Variants in NME9 observed in about 807,000 individuals in gnomAD.
NME9 encodes thioredoxin domain-containing protein 6.
NME9 carries 48 observed loss-of-function variants against 44.4 expected under a neutral mutation model. The ratio of observed to expected loss-of-function variants is 1.08; its 90% CI spans 0.86 to 1.37. The LOEUF (loss-of-function observed/expected upper bound fraction) is 1.37. NME9 is among the 40% of genes most tolerant of loss of function. The probability of loss-of-function intolerance (pLI) is 0.00; values close to 1 mark genes in which losing one functional copy is unlikely to be tolerated. For missense variants in NME9, 325 were observed against 405.2 expected (o/e 0.80, Z 1.70); for synonymous variants, 139 against 147.1 (o/e 0.94, Z 0.40).
intron 8 of NME9, among the ~76,000 whole-genome samples, chr3:138,280,497 CTTTTTTTT>C (rs1039909334): frequency 3.7e-5 from 4 of 107,104 alleles, no homozygotes; most frequent in African/African-American, 1.4e-4. Context: ...TCTTTTTTTT[CTTTTTTTT>C]TTTTTTGAGA....
intron 8 of NME9, among the ~76,000 whole-genome samples, chr3:138,278,934 G>A (rs1351319729): frequency 2.0e-5 from 3 of 152,042 alleles, no homozygotes; most frequent in East Asian, 1.9e-4. Flanking sequence ...GTTATTTTGC[G>A]TGAATTACTT....
downstream of NME9, chr3:138,296,326 A>C (rs2051480791): frequency 6.5e-6 from 1 of 153,632 alleles, no homozygotes; most frequent in African/African-American, 2.4e-5. Flanking sequence ...ATTTTGTGTG[A>C]AAATCTCTTT....
chr3:138,310,514 A>G (rs1258608493), intron 6 of NME9, among the ~76,000 whole-genome samples: 1 of 152,040 alleles, frequency 6.6e-6, no homozygotes, highest in Non-Finnish European at 1.5e-5. Context: ...GCAAATTATA[A>G]GCCACAAAAC....
chr3:138,268,168 G>C (rs551808723), intron 8 of NME9, among the ~76,000 whole-genome samples: 1 of 152,218 alleles, frequency 6.6e-6, no homozygotes, highest in South Asian at 2.1e-4. Flanking sequence ...ACTTGAACCC[G>C]GGAGGCAAAG....
At chr3:138,275,006 C>T (rs1176349340) in intron 8 of NME9, among the ~76,000 whole-genome samples, 1 of 152,184 alleles carries the variant, frequency 6.6e-6, no homozygotes, top group Non-Finnish European at 1.5e-5. Context: ...CATCCCATAA[C>T]CCTACTTCCA....
chr3:138,320,187 G>A (rs530918015), intron 2 of NME9, among the ~76,000 whole-genome samples: 1 of 152,296 alleles, frequency 6.6e-6, no homozygotes, highest in East Asian at 1.9e-4. Flanking sequence ...AGGGCTGGAT[G>A]TAAGGGAACC....
chr3:138,292,458 G>A (rs2051054285), intron 8 of NME9, among the ~76,000 whole-genome samples: 1 of 152,202 alleles, frequency 6.6e-6, no homozygotes, highest in South Asian at 2.1e-4. Flanking sequence ...TAAGGGAGTG[G>A]GGGGATTAGT....
At chr3:138,307,673 T>G (rs1185850924) in intron 6 of NME9, among the ~76,000 whole-genome samples, 1 of 151,850 alleles carries the variant, frequency 6.6e-6, no homozygotes, top group African/African-American at 2.4e-5. Context: ...CACCTAGAGG[T>G]AGAGGAAGAA....
chr3:138,295,633 A>G (rs906195575), intron 8 of NME9, among the ~76,000 whole-genome samples: 5 of 152,248 alleles, frequency 3.3e-5, no homozygotes, highest in African/African-American at 1.2e-4. Flanking sequence ...GTGCAGGAAC[A>G]GCCCTCTGAG....
intron 8 of NME9, among the ~76,000 whole-genome samples, chr3:138,282,262 C>T (rs1429639849): frequency 2.0e-5 from 3 of 152,074 alleles, no homozygotes; most frequent in Admixed American, 6.6e-5. Context: ...TTAAGGAATT[C>T]GAGCAGAACT....
intron 2 of NME9, chr3:138,324,631 C>A (rs1273714058): frequency 6.5e-6 from 4 of 616,576 alleles, no homozygotes; most frequent in Non-Finnish European, 1.2e-5. Context: ...TTACTTTTAA[C>A]ACCAAACAAC....
chr3:138,265,272 G>A (rs906522885), intron 8 of NME9, among the ~76,000 whole-genome samples: 1 of 152,042 alleles, frequency 6.6e-6, no homozygotes, highest in Non-Finnish European at 1.5e-5. Context: ...CCCAAAAAAG[G>A]TTCAGGACAA....
exon 9 of NME9, chr3:138,262,530 T>C (rs1156698764): frequency 6.2e-7 from 1 of 1,612,678 alleles, no homozygotes; most frequent in Admixed American, 1.7e-5. Context: ...GACTTCTGAA[T>C]CCTCTCATTT....
At chr3:138,325,205 G>A (rs2053704565) in intron 1 of NME9, among the ~76,000 whole-genome samples, 1 of 152,006 alleles carries the variant, frequency 6.6e-6, no homozygotes, top group Admixed American at 6.5e-5. Context: ...TTGTTTTTGT[G>A]TCCTTAAAAT....
At chr3:138,296,583 C>T (rs2051508028), downstream of NME9, 1 of 152,002 alleles carries the variant, frequency 6.6e-6, no homozygotes, top group African/African-American at 2.4e-5. Context: ...TATAGTTGGC[C>T]TGATTAACAG....
rs1432101782 is a variant in NME9 at position 138,329,373 on chromosome 3, G to C, written c.-38C>G. ...AAGACGAAGCCCTGTTACCGCGGCC[G>C]TGGGCCGTTCCCCCGCAGCCTCGCG... On this transcript the variant is annotated 5_prime_UTR_variant, in exon 1 of 11. Coordinates refer to ENST00000333911, the MANE Select transcript of NME9 (RefSeq NM_001349018.2). The C allele has an allele frequency of 1.3e-6, 2 of 1,535,670 alleles. No homozygotes were observed. The highest frequency in any genetic ancestry group is 1.7e-6 in the Non-Finnish European group (2 of 1,146,742).
chr3:138,306,280 A>G (rs1213059958), intron 7 of NME9, 118 bp downstream of exon 7: 12 of 900,090 alleles, frequency 1.3e-5, no homozygotes, highest in Non-Finnish European at 2.2e-5. Flanking sequence ...AACTTGAGCT[A>G]CAACCCCTTA....
At chr3:138,284,319 G>A (rs2050202708) in intron 8 of NME9, 2 of 744,694 alleles carry the variant, frequency 2.7e-6, no homozygotes, top group Admixed American at 4.0e-5. Context: ...ATTGAGAGTG[G>A]AACCTGTGAG....
intron 8 of NME9, chr3:138,272,964 C>G: frequency 6.3e-7 from 1 of 1,576,198 alleles, no homozygotes; most frequent in Non-Finnish European, 8.6e-7. Flanking sequence ...TTAATCCTTT[C>G]AGAATATGGC....
Sources: gnomAD v4.1 joint callset for allele counts (sites outside exome capture counted in the v4.1 genomes callset) on GRCh38, gnomAD v4.1.1 for gene constraint, MANE v1.5 for transcripts, NCBI Gene and HGNC (gene_info 2026-07-23, HGNC 2026-07-21) for gene names.